Variants in RIMBP2 observed in about 807,000 individuals in gnomAD.
The protein encoded by RIMBP2 is RIMS-binding protein 2.
In RIMBP2, 48 loss-of-function variants were observed where a neutral mutation model predicts 118.6. That is an observed-to-expected ratio of 0.40 (90% CI 0.32 to 0.51). RIMBP2 has a LOEUF of 0.51. RIMBP2 is among the 20% of genes least tolerant of loss of function. The probability of loss-of-function intolerance (pLI) is 0.41; values close to 1 mark genes in which losing one functional copy is unlikely to be tolerated. For missense variants in RIMBP2, 1,551 were observed against 1,768.3 expected (o/e 0.88, Z 2.20); for synonymous variants, 762 against 742.9 (o/e 1.03, Z -0.42).
chr12:130,406,490 G>T (rs557743513), intron 20 of RIMBP2, among the ~76,000 whole-genome samples: 17 of 152,278 alleles, frequency 1.1e-4, no homozygotes, highest in African/African-American at 3.8e-4. Context: ...CAAAATTCAA[G>T]ATTATTACCA....
At chr12:130,584,230 T>C (rs77249458) in intron 2 of RIMBP2, among the ~76,000 whole-genome samples, 12,448 of 21,764 alleles carry the variant, frequency 0.57, 3,300 homozygotes, top group South Asian at 0.69. Context: ...CCACCATCAC[T>C]TCACCACCAC....
chr12:130,649,117 G>A (rs1440645954), intron 1 of RIMBP2, among the ~76,000 whole-genome samples: 1 of 145,862 alleles, frequency 6.9e-6, no homozygotes, highest in Non-Finnish European at 1.6e-5. Flanking sequence ...GGCTCAGTCG[G>A]AGGTGGGTAT....
intron 1 of RIMBP2, among the ~76,000 whole-genome samples, chr12:130,666,359 A>G (rs1224972584): frequency 6.6e-6 from 1 of 152,110 alleles, no homozygotes; most frequent in African/African-American, 2.4e-5. Context: ...CTGTTTACCC[A>G]CCAATGCCAC....
Position 130,628,461 on chromosome 12 carries a change from G to A in RIMBP2, c.-351-5C>T, listed in dbSNP as rs893974754. On this transcript the variant is annotated splice_region_variant and splice_polypyrimidine_tract_variant and intron_variant, in intron 1 of 22. Coordinates refer to ENST00000690449, the MANE Select transcript of RIMBP2 (RefSeq NM_001393629.1). ...GTGTGGCGGGTCATTTCCAAGCTGC[G>A]GGAAGAAGTAGACACAATCTTCTGT... The A allele has an allele frequency of 6.6e-6, 1 of 152,080 alleles. No homozygotes were observed. The highest frequency in any genetic ancestry group is 1.5e-5 in the Non-Finnish European group (1 of 68,022). The allele number at this position is 152,080 out of a possible 1,614,324, so 9.4% of individuals were successfully genotyped here.
intron 1 of RIMBP2, among the ~76,000 whole-genome samples, chr12:130,674,096 C>T (rs1317597395): frequency 7.2e-5 from 11 of 152,140 alleles, no homozygotes; most frequent in East Asian, 1.9e-4. Flanking sequence ...CCAGCCTGGG[C>T]GACAGAGTGA....
rs10689343 is a variant in RIMBP2, at chr12:130,486,711, G to GAAA, written c.-3-7698_-3-7696dup. 4.9e-3 allele frequency among the ~76,000 whole-genome samples: 713 copies of GAAA among 144,300 alleles called. 9 individuals carry two copies. The highest frequency in any genetic ancestry group is 0.017 in the African/African-American group (681 of 38,922). The allele number at this position is 144,300 out of a possible 152,430, so 94.7% of individuals were successfully genotyped here. A position where few individuals can be genotyped will look rare whatever the true frequency, so the allele number is the denominator to read the frequency against. On this transcript the variant is annotated intron_variant, in intron 4 of 22. Coordinates refer to ENST00000690449, the MANE Select transcript of RIMBP2 (RefSeq NM_001393629.1). Reference sequence around the variant, plus strand: ...CCTTGTTCAACATCCAGATCTTTGAGAAAAAAAAAAACCTCCCAATTTAAA... The same window carrying GAAA: ...CCTTGTTCAACATCCAGATCTTTGAGAAAAAAAAAAAAAACCTCCCAATTTAAA...
chr12:130,396,249 T>C lies in RIMBP2; in HGVS notation c.*1112A>G, dbSNP rs2074066794. The C allele has an allele frequency of 6.6e-6, 1 of 152,666 alleles. No homozygotes were observed. Among genetic ancestry groups the C allele is most frequent in the Non-Finnish European group, 1.5e-5 (1 of 68,034 alleles). 9.5% of individuals were successfully genotyped at this position (152,666 alleles called of 1,614,324 possible). The stretch of plus-strand genomic sequence containing the variant: ...TTCCTTTAATAATAAATCTACCACA[T>C]ACTATTATATTACAATTTATAATAG... On this transcript the variant is annotated 3_prime_UTR_variant, in exon 23 of 23. Coordinates refer to ENST00000690449, the MANE Select transcript of RIMBP2 (RefSeq NM_001393629.1).
chr12:130,569,810 T>C (rs1485861767), intron 2 of RIMBP2, among the ~76,000 whole-genome samples: 2 of 152,208 alleles, frequency 1.3e-5, no homozygotes, highest in Non-Finnish European at 2.9e-5. Context: ...CATGAGCCCA[T>C]TAAACCTGTT....
rs1282531280 is a variant in RIMBP2, at chr12:130,399,704, G to GT, written c.3874dup (p.Thr1292AsnfsTer13). Reference sequence around the variant, plus strand: ...CCTTTTTGCCTTTGAGCGCATTGGCGTATCTTGAGAGTAGTGGGATGGAGC... The same window carrying GT: ...CCTTTTTGCCTTTGAGCGCATTGGCGTTATCTTGAGAGTAGTGGGATGGAGC... On this transcript the variant is annotated frameshift_variant, in exon 22 of 23. Transcript: ENST00000690449. LOFTEE classifies it high-confidence loss of function. 6.2e-7 allele frequency: 1 copy of GT among 1,614,040 alleles called. No individual in the cohort carries two copies. The highest frequency in any genetic ancestry group is 8.5e-7 in the Non-Finnish European group (1 of 1,180,008).
At chr12:130,687,325 C>T (rs2065099376) in intron 1 of RIMBP2, among the ~76,000 whole-genome samples, 1 of 152,156 alleles carries the variant, frequency 6.6e-6, no homozygotes, top group Non-Finnish European at 1.5e-5. Context: ...AGATCAGTGG[C>T]CCTATTGTAT....
At chr12:130,660,957 G>T (rs1158850282) in intron 1 of RIMBP2, among the ~76,000 whole-genome samples, 1 of 152,196 alleles carries the variant, frequency 6.6e-6, no homozygotes, top group Admixed American at 6.5e-5. Context: ...GATGGCTCAC[G>T]CCTGTAATCC....
Position 130,655,628 on chromosome 12 carries a change from G to A in RIMBP2, c.-351-27172C>T, listed in dbSNP as rs150627673. On this transcript the variant is annotated intron_variant, in intron 1 of 22. Coordinates refer to ENST00000690449, the MANE Select transcript of RIMBP2 (RefSeq NM_001393629.1). Reference sequence around the variant, plus strand: ...ATGTTGCATAGACACAGAAAAAAATGTGTGGTTACTACACAGAGCGAACAG... The same window carrying A: ...ATGTTGCATAGACACAGAAAAAAATATGTGGTTACTACACAGAGCGAACAG... 9.6e-3 allele frequency among the ~76,000 whole-genome samples: 1,463 copies of A among 152,330 alleles called. 11 individuals are homozygous for A. The highest frequency in any genetic ancestry group is 0.011 in the Non-Finnish European group (767 of 68,034).
chr12:130,490,366 C>G (rs1184248119), intron 4 of RIMBP2, among the ~76,000 whole-genome samples: 1 of 152,154 alleles, frequency 6.6e-6, no homozygotes, highest in Non-Finnish European at 1.5e-5. Flanking sequence ...TACTTATCTA[C>G]AATTTAGCTT....
intron 20 of RIMBP2, among the ~76,000 whole-genome samples, chr12:130,407,301 G>A (rs2075268986): frequency 6.6e-6 from 1 of 152,176 alleles, no homozygotes; most frequent in Admixed American, 6.5e-5. Flanking sequence ...ATCCCAAGCT[G>A]TGCCAGGCGA....
chr12:130,576,156 C>T lies in RIMBP2; in HGVS notation c.-217+52166G>A, dbSNP rs2058073660. ...TGAGGGGGAGGAGGGGGCTGCAGAT[C>T]GTACCTTGTAGGCCACGGTAGGAAC... On this transcript the variant is annotated intron_variant, in intron 2 of 22. Coordinates refer to ENST00000690449, the MANE Select transcript of RIMBP2 (RefSeq NM_001393629.1). The surrounding 1 kb of genome is among the most constrained non-coding windows in gnomAD (Gnocchi z 4.2). Among the ~76,000 whole-genome samples the T allele has an allele frequency of 1.3e-5, 2 of 152,108 alleles. No homozygotes were observed. The highest frequency in any genetic ancestry group is 6.5e-5 in the Admixed American group (1 of 15,274).
At chr12:130,624,954 A>C (rs1409920316) in intron 2 of RIMBP2, among the ~76,000 whole-genome samples, 1 of 152,126 alleles carries the variant, frequency 6.6e-6, no homozygotes, top group African/African-American at 2.4e-5. Flanking sequence ...CAAACTCCTG[A>C]CCTTGTGATC....
intron 4 of RIMBP2, among the ~76,000 whole-genome samples, chr12:130,504,447 GA>G (rs1487891964): frequency 1.3e-5 from 2 of 152,204 alleles, no homozygotes; most frequent in African/African-American, 4.8e-5. Flanking sequence ...GACAACAAAA[GA>G]AAAAATGCCA....
intron 12 of RIMBP2, 31 bp downstream of exon 12, chr12:130,438,334 A>ATGCCC: frequency 1.8e-4 from 240 of 1,344,370 alleles, no homozygotes; most frequent in Non-Finnish European, 2.3e-4. Context: ...GGGCCTAACA[A>ATGCCC]ACCCTCCCCA....
chr12:130,676,634 G>GA (rs368203624), intron 1 of RIMBP2, among the ~76,000 whole-genome samples: 1 of 150,852 alleles, frequency 6.6e-6, no homozygotes, highest in Non-Finnish European at 1.5e-5. Flanking sequence ...AAAAAAAAAA[G>GA]AAAAAAGAAA....
Sources: allele counts gnomAD v4.1 joint callset (sites outside exome capture counted in the v4.1 genomes callset), GRCh38; gene constraint gnomAD v4.1.1; non-coding constraint Gnocchi (gnomAD v3.1); transcripts MANE v1.5; gene names NCBI Gene and HGNC (gene_info 2026-07-23, HGNC 2026-07-21).